Variants in GREB1 observed in about 807,000 individuals in gnomAD.
The protein encoded by GREB1 is growth regulating estrogen receptor binding 1.
Under a neutral mutation model 200.7 loss-of-function variants are expected in GREB1, and 106 were observed. The observed-to-expected ratio is 0.53, with a 90% CI of 0.45 to 0.62. The LOEUF (loss-of-function observed/expected upper bound fraction) is 0.62, where lower values mean the gene tolerates loss of function less well. Ranked by LOEUF, GREB1 falls within the 20% of genes least tolerant of loss-of-function variation. GREB1 has a pLI of 0.00. For missense variants in GREB1, 2,243 were observed against 2,556.8 expected, an observed-to-expected ratio of 0.88 and a Z score of 2.65; for synonymous variants, 1,132 against 1,092.4, an observed-to-expected ratio of 1.04 and a Z score of -0.72.
intron 1 of GREB1, among the ~76,000 whole-genome samples, chr2:11,515,767 C>T (rs1673477640): frequency 6.6e-6 from 1 of 152,228 alleles, no homozygotes; most frequent in Admixed American, 6.5e-5. Flanking sequence ...GCATATTTCT[C>T]TGAGAGCAAA....
intron 4 of GREB1, among the ~76,000 whole-genome samples, chr2:11,573,839 C>T (rs1169191382): frequency 2.0e-5 from 3 of 152,308 alleles, no homozygotes; most frequent in East Asian, 1.9e-4. Flanking sequence ...TGCAGCACAG[C>T]GACGGTCCCC....
chr2:11,638,386 C>T (rs1685551656), intron 31 of GREB1, among the ~76,000 whole-genome samples: 2 of 152,166 alleles, frequency 1.3e-5, no homozygotes, highest in African/African-American at 4.8e-5. Flanking sequence ...GGGGATCCAC[C>T]CGCCTCGGCC....
Position 11,598,834 on chromosome 2 carries a change from T to A in GREB1, c.2307T>A (p.His769Gln), listed in dbSNP as rs772620258. ...QNPHTLFVLI[H>Q]DHAHWDLVSS... is the part of the protein sequence containing the mutation. ...CGCATACACTTTTTGTCCTAATCCA[T>A]GACCATGCGCACTGGGATCTTGTGA... The change falls in exon 15 of 33, where the codon CAT becomes CAA. Residue 769 changes from histidine to glutamine, a missense_variant. Around this residue, in one of 3 missense-constraint regions of GREB1, gnomAD observed 1,178 missense variants for 1,387.4 expected, o/e 0.85. Transcript: ENST00000381486. 119 of 1,614,064 alleles carry A rather than the reference T, an allele frequency of 7.4e-5. No individual in the cohort carries two copies. The highest frequency in any genetic ancestry group is 9.9e-5 in the Non-Finnish European group (117 of 1,179,990).
At position 11,595,236 on chromosome 2, in the gene GREB1, C is replaced by CT; in HGVS notation, c.1697-14dup. 1.2e-6 allele frequency: 2 copies of CT among 1,608,312 alleles called. No homozygotes were observed. The highest frequency in any genetic ancestry group is 1.7e-6 in the Non-Finnish European group (2 of 1,176,706). ...GAAGATACAATGGGTACTGTGAAATCTGTTTGCTTTCCAGGAAAATACCAA... is the reference window on the plus strand; with the variant it reads ...GAAGATACAATGGGTACTGTGAAATCTTGTTTGCTTTCCAGGAAAATACCAA... On this transcript the variant is annotated splice_polypyrimidine_tract_variant and intron_variant, in intron 11 of 32. Transcript: ENST00000381486.
At position 11,635,317 on chromosome 2, in the gene GREB1, G is replaced by A; in HGVS notation, c.5258G>A (p.Gly1753Asp). The A allele has an allele frequency of 1.2e-6, 2 of 1,614,156 alleles. No individual in the cohort carries two copies. Among genetic ancestry groups the A allele is most frequent in the Non-Finnish European group, 1.7e-6 (2 of 1,180,016 alleles). Reference protein sequence around the residue: ...VDFNLRVHSAGLLLCRFNRFS... With the variant: ...VDFNLRVHSADLLLCRFNRFS... ...TTCAACCTGCGGGTGCACAGCGCCG[G>A]CCTCCTGCTCTGCCGGTTCAACCGC... Residue 1753 changes from glycine (G) to aspartate (D), a missense_variant, in exon 30 of 33, where the codon GGC becomes GAC. By Grantham distance (94) the Gly-to-Asp change is moderately conservative. Coordinates refer to ENST00000381486, the MANE Select transcript of GREB1 (RefSeq NM_014668.4).
intron 1 of GREB1, among the ~76,000 whole-genome samples, chr2:11,504,562 C>A (rs1673128836): frequency 6.6e-6 from 1 of 152,140 alleles, no homozygotes; most frequent in Admixed American, 6.5e-5. Flanking sequence ...GCTTGGAAAC[C>A]ACGAATCTAC....
At chr2:11,637,667 T>C in intron 30 of GREB1, 49 bp from the exon 31 acceptor site, 1 of 1,574,292 alleles carries the variant, frequency 6.4e-7, no homozygotes, top group Non-Finnish European at 8.7e-7. Flanking sequence ...CATGGGAAGG[T>C]CCTCGCCCCT....
chr2:11,605,699 G>C (rs1431402707), intron 17 of GREB1, among the ~76,000 whole-genome samples: 1 of 152,044 alleles, frequency 6.6e-6, no homozygotes, highest in Non-Finnish European at 1.5e-5. Flanking sequence ...TGTACAATAG[G>C]TACTCTGTTT....
chr2:11,526,391 T>C (rs1673876492), intron 1 of GREB1, among the ~76,000 whole-genome samples: 1 of 152,204 alleles, frequency 6.6e-6, no homozygotes, highest in South Asian at 2.1e-4. Flanking sequence ...TTATGTGATC[T>C]TGGTTACTTA....
At chr2:11,567,244 C>G (rs1008587263) in intron 4 of GREB1, among the ~76,000 whole-genome samples, 2 of 152,176 alleles carry the variant, frequency 1.3e-5, no homozygotes. Context: ...CCTGCCTCAG[C>G]CAACCAAATA....
chr2:11,576,039 T>C (rs925104202), intron 4 of GREB1, among the ~76,000 whole-genome samples: 1 of 152,226 alleles, frequency 6.6e-6, no homozygotes, highest in Non-Finnish European at 1.5e-5. Flanking sequence ...CTTGTGGCGT[T>C]CTCTGGCTGG....
chr2:11,614,125 ATT>A (rs34678522), intron 19 of GREB1, among the ~76,000 whole-genome samples: 26 of 99,492 alleles, frequency 2.6e-4, no homozygotes, highest in Non-Finnish European at 3.6e-4. Context: ...GCGGACTTAG[ATT>A]TTTTTTTTTT....
At chr2:11,538,072 C>T (rs539020771) in intron 1 of GREB1, among the ~76,000 whole-genome samples, 24 of 152,290 alleles carry the variant, frequency 1.6e-4, no homozygotes, top group African/African-American at 4.6e-4. Context: ...ACGTACAGAC[C>T]GCGTACAGTG....
chr2:11,556,509 C>A lies in GREB1; in HGVS notation c.-106C>A. On this transcript the variant is annotated 5_prime_UTR_variant, in exon 2 of 33. Coordinates refer to ENST00000381486, the MANE Select transcript of GREB1 (RefSeq NM_014668.4). ...TCGTCTCTGCTGAGCGAAGGCTACA[C>A]GGCCCTTCCTCCTTGCAGCTGTTTC... 2.3e-6 allele frequency: 2 copies of A among 884,370 alleles called. No homozygotes were observed. Among genetic ancestry groups the A allele is most frequent in the Middle Eastern group, 3.0e-4 (1 of 3,362 alleles). The allele number at this position is 884,370 out of a possible 1,614,324, so 54.8% of individuals were successfully genotyped here. A position where few individuals can be genotyped will look rare whatever the true frequency, so the allele number is the denominator to read the frequency against.
rs1047649370 is a variant in GREB1 at position 11,631,848 on chromosome 2, C to T, written c.4612-61C>T. On this transcript the variant is annotated intron_variant, in intron 26 of 32. Transcript: ENST00000381486. ...CGGAAAATACTGCAAAGTCACATGT[C>T]AAGGGAATAATTGCAGCCACATTTA... 1.1e-5 allele frequency: 14 copies of T among 1,251,190 alleles called. No homozygotes were observed. The African/African-American group carries it at 1.9e-4, about 17-fold the overall frequency. 77.5% of individuals were successfully genotyped at this position (1,251,190 alleles called of 1,614,324 possible).
chr2:11,604,783 C>G (rs1008601348), intron 17 of GREB1, among the ~76,000 whole-genome samples: 4 of 152,180 alleles, frequency 2.6e-5, no homozygotes, highest in Non-Finnish European at 5.9e-5. Context: ...GGAGAACTCT[C>G]TTGAAACTGG....
intron 1 of GREB1, among the ~76,000 whole-genome samples, chr2:11,521,841 T>C (rs1242125808): frequency 6.6e-6 from 1 of 152,234 alleles, no homozygotes; most frequent in Non-Finnish European, 1.5e-5. Context: ...AATTATTGCC[T>C]CAAAAGACTT....
At chr2:11,542,627 G>GT (rs1572631518) in intron 1 of GREB1, 12 of 134,650 alleles carry the variant, frequency 8.9e-5, no homozygotes, top group Admixed American at 6.7e-4. Flanking sequence ...AAGTGCTGGG[G>GT]CGGGGGGAGG....
chr2:11,564,953 A>G (rs1203092497), intron 3 of GREB1, among the ~76,000 whole-genome samples: 1 of 152,164 alleles, frequency 6.6e-6, no homozygotes, highest in Non-Finnish European at 1.5e-5. Flanking sequence ...AAACCATCAG[A>G]TCTCATGAGA....
Sources: gnomAD v4.1 joint callset for allele counts (sites outside exome capture counted in the v4.1 genomes callset) on GRCh38, gnomAD v4.1.1 for gene constraint, gnomAD v4.1.1 regional missense constraint, MANE v1.5 for transcripts, NCBI Gene and HGNC (gene_info 2026-07-23, HGNC 2026-07-21) for gene names.